Variants in DNAAF11 observed in about 807,000 individuals in gnomAD.
The protein encoded by DNAAF11 is dynein axonemal assembly factor 11, also known as leucine rich repeat containing 6.
DNAAF11 carries 45 observed loss-of-function variants against 60.8 expected under a neutral mutation model. That is an observed-to-expected ratio of 0.74 (90% CI 0.58 to 0.95). The LOEUF is 0.95. Ranked by LOEUF, DNAAF11 falls within the 40% of genes least tolerant of loss-of-function variation. DNAAF11 has a pLI of 0.00. For synonymous variants in DNAAF11, 191 were observed against 183.5 expected, an observed-to-expected ratio of 1.04 and a Z score of -0.33; for missense variants, 546 against 546.2, an observed-to-expected ratio of 1.00 and a Z score of 0.00.
At chr8:132,611,629 G>T (rs924113497) in intron 8 of DNAAF11, among the ~76,000 whole-genome samples, 1 of 152,116 alleles carries the variant, frequency 6.6e-6, no homozygotes, top group Non-Finnish European at 1.5e-5. Flanking sequence ...AACACCAGAG[G>T]TTTGCAAAAA....
intron 7 of DNAAF11, among the ~76,000 whole-genome samples, chr8:132,620,018 T>A (rs1002160039): frequency 6.6e-6 from 1 of 152,096 alleles, no homozygotes; most frequent in African/African-American, 2.4e-5. Flanking sequence ...AGGTCCTCAG[T>A]TAAGACTGTG....
intron 10 of DNAAF11, among the ~76,000 whole-genome samples, chr8:132,601,673 C>G (rs931440085): frequency 2.0e-5 from 3 of 151,878 alleles, no homozygotes; most frequent in African/African-American, 7.3e-5. Context: ...ATCACAAGGA[C>G]AAAAAACCAA....
At chr8:132,680,133 C>T (rs562669875), upstream of DNAAF11, among the ~76,000 whole-genome samples, 57 of 152,310 alleles carry the variant, frequency 3.7e-4, no homozygotes, top group African/African-American at 1.4e-3. Flanking sequence ...TGTCACAGTC[C>T]ACTGACAGGG....
At position 132,624,284 on chromosome 8, in the gene DNAAF11, C is replaced by T. The variant is rs542196003; in HGVS notation, c.836+988G>A. 1.7e-4 allele frequency among the ~76,000 whole-genome samples: 26 copies of T among 151,968 alleles called. 1 individual carries two copies. Among genetic ancestry groups the T allele is most frequent in the African/African-American group, 6.3e-4 (26 of 41,462 alleles). On this transcript the variant is annotated intron_variant, in intron 6 of 11. Transcript: ENST00000620350. ...GGTAGGTAAGACAGGTATGATAATCCCTGTTTAGCAGATGAAGAAACAGAT... is the reference window on the plus strand; with the variant it reads ...GGTAGGTAAGACAGGTATGATAATCTCTGTTTAGCAGATGAAGAAACAGAT...
chr8:132,595,230 G>A (rs1285615722), intron 10 of DNAAF11, among the ~76,000 whole-genome samples: 4 of 151,936 alleles, frequency 2.6e-5, no homozygotes, highest in Non-Finnish European at 4.4e-5. Flanking sequence ...CTGCCGGTGG[G>A]AACAAGGTTC....
At chr8:132,587,881 A>G (rs1040984761) in intron 10 of DNAAF11, among the ~76,000 whole-genome samples, 5 of 152,190 alleles carry the variant, frequency 3.3e-5, no homozygotes, top group Non-Finnish European at 2.9e-5. Flanking sequence ...ACAGAATACA[A>G]AAGTCCATTC....
rs544170457 is a variant in DNAAF11 at position 132,627,693 on chromosome 8, A to G, written c.654-2239T>C. On this transcript the variant is annotated intron_variant, in intron 5 of 11. Coordinates refer to ENST00000620350, the MANE Select transcript of DNAAF11 (RefSeq NM_012472.6). ...GGGAAGAGGGACACCCTCTCGTTCT[A>G]CTTTTCATTGTCATCCATTCCTTCC... Among the ~76,000 whole-genome samples the G allele has an allele frequency of 5.9e-5, 9 of 152,190 alleles. No individual in the cohort carries two copies. In the South Asian group the frequency reaches 1.7e-3, roughly 28 times the overall value.
At chr8:132,628,522 C>A (rs1417511124) in intron 5 of DNAAF11, among the ~76,000 whole-genome samples, 2 of 152,174 alleles carry the variant, frequency 1.3e-5, no homozygotes, top group Non-Finnish European at 2.9e-5. Flanking sequence ...CACTTTCTAT[C>A]TTTTCAATTC....
chr8:132,677,145 A>G (rs1825790964), upstream of DNAAF11, among the ~76,000 whole-genome samples: 3 of 152,222 alleles, frequency 2.0e-5, no homozygotes, highest in Admixed American at 2.0e-4. Context: ...GACACTGAGC[A>G]CTGATGTCTG....
At chr8:132,628,157 T>C (rs1820460813) in intron 5 of DNAAF11, among the ~76,000 whole-genome samples, 1 of 152,170 alleles carries the variant, frequency 6.6e-6, no homozygotes, top group South Asian at 2.1e-4. Context: ...CTCACGCCTG[T>C]AATCCCAGCA....
chr8:132,641,414 T>G (rs556492075), intron 3 of DNAAF11, among the ~76,000 whole-genome samples: 7 of 152,196 alleles, frequency 4.6e-5, no homozygotes, highest in Non-Finnish European at 8.8e-5. Flanking sequence ...CCATTAGAAC[T>G]TAAGCTCCAT....
chr8:132,682,039 G>A, the DNAAF11 span, among the ~76,000 whole-genome samples: 5 of 152,310 alleles, frequency 3.3e-5, no homozygotes, highest in South Asian at 1.0e-3. Context: ...ATACATCTCA[G>A]TTTGAGATGT....
intron 9 of DNAAF11, 75 bp downstream of exon 9, chr8:132,611,219 A>G: frequency 9.3e-7 from 1 of 1,078,104 alleles, no homozygotes; most frequent in East Asian, 2.4e-5. Flanking sequence ...ATAATACTTA[A>G]AAACATTTGA....
rs1341729949 is a variant in DNAAF11, at chr8:132,593,380, T to C, written c.1141-9601A>G. Among the ~76,000 whole-genome samples the C allele has an allele frequency of 2.1e-5, 3 of 142,492 alleles. 1 individual carries two copies. The highest frequency in any genetic ancestry group is 7.8e-5 in the African/African-American group (3 of 38,434). The allele number at this position is 142,492 out of a possible 152,430, so 93.5% of individuals were successfully genotyped here. A position where few individuals can be genotyped will look rare whatever the true frequency, so the allele number is the denominator to read the frequency against. Reference sequence around the variant, plus strand: ...ATATATATTTATATGTAATGCCCAATGACTTTTACCTTGAAAATGACAAAT... The same window carrying C: ...ATATATATTTATATGTAATGCCCAACGACTTTTACCTTGAAAATGACAAAT... On this transcript the variant is annotated intron_variant, in intron 10 of 11. Coordinates refer to ENST00000620350, the MANE Select transcript of DNAAF11 (RefSeq NM_012472.6).
chr8:132,672,042 TAA>T (rs759576637), intron 1 of DNAAF11, among the ~76,000 whole-genome samples: 10 of 152,216 alleles, frequency 6.6e-5, no homozygotes, highest in South Asian at 4.1e-4. Context: ...TCAAAATAAT[TAA>T]GAGAAGGAAA....
At chr8:132,601,553 G>T (rs546553484) in intron 10 of DNAAF11, among the ~76,000 whole-genome samples, 2 of 152,260 alleles carry the variant, frequency 1.3e-5, no homozygotes, top group South Asian at 4.1e-4. Context: ...ACTGGATTAA[G>T]AAAATGTGAC....
the DNAAF11 span, among the ~76,000 whole-genome samples, chr8:132,680,851 T>C: frequency 6.6e-6 from 1 of 151,808 alleles, no homozygotes; most frequent in African/African-American, 2.4e-5. Flanking sequence ...TGAGGACTAA[T>C]TGGCACATTA....
At chr8:132,587,231 C>T (rs1353086882) in intron 10 of DNAAF11, among the ~76,000 whole-genome samples, 1 of 152,108 alleles carries the variant, frequency 6.6e-6, no homozygotes, top group African/African-American at 2.4e-5. Context: ...ATTTGCTGTG[C>T]ACCAGAATCT....
chr8:132,693,468 T>C, the DNAAF11 span, among the ~76,000 whole-genome samples: 2 of 151,084 alleles, frequency 1.3e-5, no homozygotes, highest in African/African-American at 2.4e-5. Flanking sequence ...TGTGTGTGTG[T>C]GTGCGTGTGT....
Sources: allele counts gnomAD v4.1 joint callset (sites outside exome capture counted in the v4.1 genomes callset), GRCh38; gene constraint gnomAD v4.1.1; transcripts MANE v1.5; gene names NCBI Gene and HGNC (gene_info 2026-07-23, HGNC 2026-07-21).